RANBP2: variants seen among roughly 807,000 people sequenced by gnomAD.
RANBP2 encodes the protein RAN binding protein 2, also known as E3 SUMO-protein ligase RanBP2.
In RANBP2, 57 loss-of-function variants were observed where a neutral mutation model predicts 303.6. That is an observed-to-expected ratio of 0.19 (90% confidence interval 0.15 to 0.23). The LOEUF (loss-of-function observed/expected upper bound fraction) is 0.23, where lower values mean the gene tolerates loss of function less well. Ranked by LOEUF, RANBP2 falls within the 10% of genes least tolerant of loss-of-function variation. The pLI, the probability that RANBP2 is intolerant of heterozygous loss-of-function variation, is 1.00. For synonymous variants in RANBP2, 1,167 were observed against 1,301.5 expected, an observed-to-expected ratio of 0.90 and a Z score of 2.23; for missense variants, 3,138 against 3,780.8, an observed-to-expected ratio of 0.83 and a Z score of 4.46.
the RANBP2 span, among the ~76,000 whole-genome samples, chr2:109,189,490 T>G: frequency 1.3e-5 from 2 of 151,380 alleles, no homozygotes; most frequent in Non-Finnish European, 2.9e-5. Context: ...TGCCTCAACC[T>G]CCCGAGTAGC....
At chr2:109,134,781 C>A in the RANBP2 span, among the ~76,000 whole-genome samples, 2 of 152,222 alleles carry the variant, frequency 1.3e-5, no homozygotes, top group Non-Finnish European at 2.9e-5. Context: ...GCCACCCCTT[C>A]CATTCACCGT....
At chr2:109,380,632 C>T in the RANBP2 span, among the ~76,000 whole-genome samples, 8 of 152,204 alleles carry the variant, frequency 5.3e-5, no homozygotes, top group South Asian at 4.1e-4. Context: ...TAGCCCTGAC[C>T]GCAGCCTGAG....
At chr2:109,482,596 G>A in the RANBP2 span, among the ~76,000 whole-genome samples, 1 of 152,174 alleles carries the variant, frequency 6.6e-6, no homozygotes, top group East Asian at 1.9e-4. Context: ...CCCCTAAGAG[G>A]GGGAGAGCAG....
At chr2:109,178,118 A>G in the RANBP2 span, among the ~76,000 whole-genome samples, 2 of 152,202 alleles carry the variant, frequency 1.3e-5, no homozygotes, top group African/African-American at 2.4e-5. Context: ...ATCCATATCA[A>G]TCTGTGCTGC....
the RANBP2 span, among the ~76,000 whole-genome samples, chr2:108,887,923 C>A: frequency 6.6e-6 from 1 of 152,084 alleles, no homozygotes; most frequent in South Asian, 2.1e-4. Context: ...CAGTGGTAAA[C>A]TGGGGCATCC....
At chr2:109,051,632 T>C in the RANBP2 span, among the ~76,000 whole-genome samples, 1 of 152,126 alleles carries the variant, frequency 6.6e-6, no homozygotes, top group Admixed American at 6.5e-5. Context: ...TTTGTTTCTT[T>C]TTTTCAAATT....
the RANBP2 span, among the ~76,000 whole-genome samples, chr2:109,424,038 G>A: frequency 2.0e-5 from 3 of 152,226 alleles, no homozygotes; most frequent in Non-Finnish European, 4.4e-5. Flanking sequence ...GGAAGGAGCT[G>A]CAGGCCCTGG....
the RANBP2 span, among the ~76,000 whole-genome samples, chr2:108,833,827 A>G: frequency 6.9e-6 from 1 of 145,206 alleles, no homozygotes; most frequent in Non-Finnish European, 1.5e-5. Context: ...TCCAAGGTTC[A>G]CGCCATTCTC....
At chr2:109,078,892 G>C in the RANBP2 span, among the ~76,000 whole-genome samples, 4 of 152,054 alleles carry the variant, frequency 2.6e-5, no homozygotes, top group Non-Finnish European at 4.4e-5. Flanking sequence ...TTGGGAGGCT[G>C]GGGCAGGAGA....
At chr2:109,349,984 C>T in the RANBP2 span, among the ~76,000 whole-genome samples, 5 of 152,196 alleles carry the variant, frequency 3.3e-5, no homozygotes, top group Non-Finnish European at 1.5e-5. Flanking sequence ...AGCCCAGAGT[C>T]AGGTGCGGGA....
chr2:109,287,633 C>A, the RANBP2 span, among the ~76,000 whole-genome samples: 1 of 152,092 alleles, frequency 6.6e-6, no homozygotes, highest in Non-Finnish European at 1.5e-5. Context: ...CAATGGGAGG[C>A]GGGAGGGGAA....
chr2:109,202,807 C>T, the RANBP2 span, among the ~76,000 whole-genome samples: 43 of 152,258 alleles, frequency 2.8e-4, no homozygotes, highest in Middle Eastern at 6.8e-3. Context: ...CAAAGGGGGT[C>T]GAGAGCCCCA....
At chr2:109,209,280 C>G in the RANBP2 span, among the ~76,000 whole-genome samples, 3 of 152,250 alleles carry the variant, frequency 2.0e-5, no homozygotes, top group Admixed American at 6.5e-5. Flanking sequence ...TTCCCTTGTG[C>G]CAGGTCCTGC....
At chr2:108,753,385 G>A in intron 13 of RANBP2, 41 bp from the exon 14 acceptor site, 1 of 1,609,494 alleles carries the variant, frequency 6.2e-7, no homozygotes. Flanking sequence ...TTTATATTCT[G>A]AGTATAAACA....
At chr2:109,266,087 GTT>G in the RANBP2 span, among the ~76,000 whole-genome samples, 1 of 151,590 alleles carries the variant, frequency 6.6e-6, no homozygotes, top group Non-Finnish European at 1.5e-5. Flanking sequence ...TGGTATGTGT[GTT>G]GTGCGTGCAT....
intron 6 of RANBP2, among the ~76,000 whole-genome samples, chr2:108,736,580 A>T (rs1274891709): frequency 6.6e-6 from 1 of 152,242 alleles, no homozygotes; most frequent in African/African-American, 2.4e-5. Context: ...AAAATAGTAT[A>T]ATCTTGAGTG....
chr2:109,501,615 C>A, the RANBP2 span: 1 of 778,962 alleles, frequency 1.3e-6, no homozygotes, highest in East Asian at 2.4e-5. Context: ...CAAGGGGACC[C>A]TGCAGCGGAA....
chr2:108,981,562 T>A, the RANBP2 span, among the ~76,000 whole-genome samples: 4 of 152,322 alleles, frequency 2.6e-5, no homozygotes, highest in East Asian at 7.7e-4. Flanking sequence ...AGCAGGGCTG[T>A]CTGCTGAGGT....
the RANBP2 span, among the ~76,000 whole-genome samples, chr2:109,020,228 C>T: frequency 6.6e-6 from 1 of 152,170 alleles, no homozygotes. Context: ...GAGCAGCGCA[C>T]ACAGGCAAAG....
Sources: gnomAD v4.1 joint callset for allele counts (sites outside exome capture counted in the v4.1 genomes callset) on GRCh38, gnomAD v4.1.1 for gene constraint, MANE v1.5 for transcripts, NCBI Gene and HGNC (gene_info 2026-07-23, HGNC 2026-07-21) for gene names.